AKAP7: variants seen among roughly 807,000 people sequenced by gnomAD.
AKAP7 encodes A-kinase anchoring protein 7.
AKAP7 carries 39 observed loss-of-function variants against 39.5 expected under a neutral mutation model. The ratio of observed to expected loss-of-function variants is 0.99; its 90% CI spans 0.76 to 1.29. The LOEUF is 1.29. Among genes scored for constraint, AKAP7 ranks in the 50% most tolerant of loss-of-function variants. The pLI is 0.00. For synonymous variants in AKAP7, 140 were observed against 139.1 expected (o/e 1.01, Z -0.05); for missense variants, 414 against 407.7 (o/e 1.02, Z -0.13).
chr6:131,260,413 T>A (rs1362418174), intron 7 of AKAP7, among the ~76,000 whole-genome samples: 1 of 152,182 alleles, frequency 6.6e-6, no homozygotes, highest in African/African-American at 2.4e-5. Flanking sequence ...TAATTTACAT[T>A]CCCACCAACA....
intron 5 of AKAP7, among the ~76,000 whole-genome samples, chr6:131,171,620 G>GT (rs1804059252): frequency 6.6e-6 from 1 of 152,110 alleles, no homozygotes; most frequent in East Asian, 1.9e-4. Flanking sequence ...GAAGGGGAAA[G>GT]TTTAATAAGC....
rs3836927 is a variant in AKAP7 at position 131,251,568 on chromosome 6, T to TAAA, written c.851-29954_851-29952dup. 7.2e-3 allele frequency among the ~76,000 whole-genome samples: 1,089 copies of TAAA among 150,576 alleles called. 9 individuals are homozygous for TAAA. The highest frequency in any genetic ancestry group is 0.026 in the African/African-American group (1,047 of 41,054). Reference sequence around the variant, plus strand: ...CTTCAGGAAACTAGCCAGGGACTGTTAAAAAAAAAATACATATGCTATACC... The same window carrying TAAA: ...CTTCAGGAAACTAGCCAGGGACTGTTAAAAAAAAAAAAATACATATGCTATACC... On this transcript the variant is annotated intron_variant, in intron 7 of 7. Transcript: ENST00000431975.
At chr6:131,146,607 G>A (rs1198672685) in intron 2 of AKAP7, among the ~76,000 whole-genome samples, 1 of 152,188 alleles carries the variant, frequency 6.6e-6, no homozygotes, top group Non-Finnish European at 1.5e-5. Flanking sequence ...AATATGTTTG[G>A]ATGTTTATTG....
At chr6:131,236,492 T>G (rs1158907610) in intron 7 of AKAP7, among the ~76,000 whole-genome samples, 3 of 151,968 alleles carry the variant, frequency 2.0e-5, no homozygotes, top group African/African-American at 4.8e-5. Flanking sequence ...AAATTACCTT[T>G]GGCAGTATGG....
chr6:131,128,605 C>T, the AKAP7 span, among the ~76,000 whole-genome samples: 21 of 151,974 alleles, frequency 1.4e-4, no homozygotes, highest in African/African-American at 5.1e-4. Context: ...GGCGGATCCC[C>T]TGAGGTCAGA....
intron 3 of AKAP7, among the ~76,000 whole-genome samples, chr6:131,164,868 T>G (rs1803326661): frequency 6.6e-6 from 1 of 152,214 alleles, no homozygotes; most frequent in Non-Finnish European, 1.5e-5. Flanking sequence ...ACAATCATCA[T>G]GCTTTAAAAC....
rs1164525344 is a variant in AKAP7, at chr6:131,282,399, G to A, written c.*673G>A. 2 of 1,467,152 alleles carry A rather than the reference G, an allele frequency of 1.4e-6. No individual in the cohort carries two copies. The highest frequency in any genetic ancestry group is 1.8e-6 in the Non-Finnish European group (2 of 1,111,542). 90.9% of individuals were successfully genotyped at this position (1,467,152 alleles called of 1,614,324 possible). On this transcript the variant is annotated 3_prime_UTR_variant, in exon 8 of 8. Coordinates refer to ENST00000431975, the MANE Select transcript of AKAP7 (RefSeq NM_016377.4). ...TTATTATATAATTTTTTTTTCTTAG[G>A]CAAGAAACCTATTGGAATTCGAGAC...
At chr6:131,192,974 T>C (rs1806565972) in intron 5 of AKAP7, among the ~76,000 whole-genome samples, 1 of 152,152 alleles carries the variant, frequency 6.6e-6, no homozygotes, top group Non-Finnish European at 1.5e-5. Context: ...GTTCTAATAG[T>C]TTTTGGTGGA....
chr6:131,204,078 G>T (rs1807866388), intron 6 of AKAP7, among the ~76,000 whole-genome samples: 1 of 151,992 alleles, frequency 6.6e-6, no homozygotes, highest in Non-Finnish European at 1.5e-5. Flanking sequence ...GACTATCAGA[G>T]GTCATATAAA....
intron 1 of AKAP7, 32 bp downstream of exon 1, chr6:131,135,814 G>A: frequency 2.4e-6 from 3 of 1,226,714 alleles, no homozygotes; most frequent in Non-Finnish European, 3.0e-6. Context: ...GGCCGGGGCG[G>A]GGGCGACAGG....
chr6:131,276,523 G>A (rs1415597005), intron 7 of AKAP7, among the ~76,000 whole-genome samples: 1 of 151,596 alleles, frequency 6.6e-6, no homozygotes, highest in Non-Finnish European at 1.5e-5. Context: ...CTTCTTTTTA[G>A]TTAGATGGAC....
At chr6:131,148,503 C>T (rs2128229086) in intron 2 of AKAP7, among the ~76,000 whole-genome samples, 1 of 151,390 alleles carries the variant, frequency 6.6e-6, no homozygotes, top group South Asian at 2.2e-4. Context: ...GTGTTGCTTT[C>T]TGGCTAAAAA....
At chr6:131,168,158 T>A (rs976887036) in intron 4 of AKAP7, among the ~76,000 whole-genome samples, 1 of 152,130 alleles carries the variant, frequency 6.6e-6, no homozygotes, top group Non-Finnish European at 1.5e-5. Context: ...ACACCTGTAA[T>A]CCCAGCAATT....
intron 7 of AKAP7, among the ~76,000 whole-genome samples, chr6:131,224,318 C>T (rs1010434438): frequency 6.6e-6 from 1 of 151,968 alleles, no homozygotes; most frequent in Non-Finnish European, 1.5e-5. Flanking sequence ...TTTAATTGGC[C>T]TACCTTGGTT....
intron 2 of AKAP7, among the ~76,000 whole-genome samples, chr6:131,157,885 G>A (rs1466418136): frequency 2.0e-5 from 3 of 152,158 alleles, no homozygotes; most frequent in African/African-American, 7.2e-5. Flanking sequence ...CACCAGATAA[G>A]TTTGCCTTAA....
chr6:131,250,334 C>T (rs1812341515), intron 7 of AKAP7: 2 of 1,337,984 alleles, frequency 1.5e-6, no homozygotes, highest in South Asian at 1.7e-5. Flanking sequence ...ATGCCAGTCC[C>T]AGAGCAGTTG....
intron 5 of AKAP7, among the ~76,000 whole-genome samples, chr6:131,179,716 A>G (rs1043147703): frequency 5.3e-5 from 8 of 152,140 alleles, no homozygotes; most frequent in African/African-American, 1.9e-4. Flanking sequence ...AAAGATAGAA[A>G]AAAATTACCT....
intron 6 of AKAP7, among the ~76,000 whole-genome samples, chr6:131,216,501 A>G (rs1027702787): frequency 6.6e-6 from 1 of 152,210 alleles, no homozygotes; most frequent in African/African-American, 2.4e-5. Context: ...AGTTACAACC[A>G]AGAATGAAAT....
At chr6:131,213,040 GAA>G (rs1038073903) in intron 6 of AKAP7, among the ~76,000 whole-genome samples, 5 of 152,160 alleles carry the variant, frequency 3.3e-5, no homozygotes, top group African/African-American at 1.2e-4. Flanking sequence ...AGTTATGTCT[GAA>G]GTTCTATCTT....
Sources: gnomAD v4.1 joint callset for allele counts (sites outside exome capture counted in the v4.1 genomes callset) on GRCh38, gnomAD v4.1.1 for gene constraint, MANE v1.5 for transcripts, NCBI Gene and HGNC (gene_info 2026-07-23, HGNC 2026-07-21) for gene names.